CWH43: variants seen among roughly 807,000 people sequenced by gnomAD.
CWH43 encodes the protein PGAP2-interacting protein.
Under a neutral mutation model 85.7 loss-of-function variants are expected in CWH43, and 91 were observed. That is an observed-to-expected ratio of 1.06 (90% CI 0.90 to 1.26). CWH43 has a LOEUF of 1.26. Among genes scored for constraint, CWH43 ranks in the 50% most tolerant of loss-of-function variants. The pLI, the probability that CWH43 is intolerant of heterozygous loss-of-function variation, is 0.00. For missense variants in CWH43, 869 were observed against 839.2 expected, an observed-to-expected ratio of 1.04 and a Z score of -0.44; for synonymous variants, 323 against 293.6, an observed-to-expected ratio of 1.10 and a Z score of -1.02.
At position 49,017,345 on chromosome 4, in the gene CWH43, C is replaced by T. The variant is rs1407134578; in HGVS notation, c.1266+17C>T. 6.5e-7 allele frequency: 1 copy of T among 1,540,082 alleles called. No individual in the cohort carries two copies. Among genetic ancestry groups the T allele is most frequent in the African/African-American group, 1.4e-5 (1 of 72,990 alleles). ...GGCAAAGTGGTAAGTAATTAAAAAC[C>T]TTGAAATAGAATTTTATATGGTATA... On this transcript the variant is annotated intron_variant, in intron 9 of 15. Coordinates refer to ENST00000226432, the MANE Select transcript of CWH43 (RefSeq NM_025087.3).
intron 7 of CWH43, among the ~76,000 whole-genome samples, chr4:49,006,249 A>G (rs1177264358): frequency 6.6e-6 from 1 of 151,674 alleles, no homozygotes; most frequent in East Asian, 1.9e-4. Flanking sequence ...AATTTTATGA[A>G]CGATGAGTTT....
chr4:48,987,650 A>G (rs1296898147), intron 1 of CWH43, among the ~76,000 whole-genome samples: 1 of 152,332 alleles, frequency 6.6e-6, no homozygotes, highest in Middle Eastern at 3.4e-3. Context: ...CAGATGGTAC[A>G]TGTTAATACT....
At chr4:48,999,071 C>T (rs1341592171) in intron 6 of CWH43, among the ~76,000 whole-genome samples, 1 of 152,096 alleles carries the variant, frequency 6.6e-6, no homozygotes, top group Non-Finnish European at 1.5e-5. Context: ...TCCTGATCCT[C>T]TCTCTCCTCC....
At chr4:49,060,515 G>T (rs1357486772) in intron 15 of CWH43, among the ~76,000 whole-genome samples, 1 of 152,154 alleles carries the variant, frequency 6.6e-6, no homozygotes, top group South Asian at 2.1e-4. Flanking sequence ...CATTGGCCTG[G>T]ACCTGGTGCT....
intron 5 of CWH43, among the ~76,000 whole-genome samples, chr4:48,996,684 G>A (rs960773119): frequency 1.3e-5 from 2 of 152,168 alleles, no homozygotes; most frequent in Non-Finnish European, 2.9e-5. Flanking sequence ...ATGGTAAATG[G>A]TGAGTCCTGG....
chr4:49,007,373 C>A, intron 8 of CWH43, 47 bp downstream of exon 8: 1 of 1,465,244 alleles, frequency 6.8e-7, no homozygotes, highest in South Asian at 1.5e-5. Context: ...ATATAAAATT[C>A]TAAACGTATG....
In CWH43 at chr4:48,995,049, T is replaced by C. The variant is rs146932868; in HGVS notation, c.713+229T>C. Among the ~76,000 whole-genome samples the C allele has an allele frequency of 1.3e-3, 200 of 152,290 alleles. 1 individual carries two copies. The highest frequency in any genetic ancestry group is 4.8e-3 in the African/African-American group (198 of 41,570). ...AAAGTAGATGTGGGAGGCCCAATGGTTGTGCACAGCTAAGTAAGAGGTTCC... is the reference window on the plus strand; with the variant it reads ...AAAGTAGATGTGGGAGGCCCAATGGCTGTGCACAGCTAAGTAAGAGGTTCC... On this transcript the variant is annotated intron_variant, in intron 5 of 15. Transcript: ENST00000226432.
chr4:48,990,299 C>T (rs1782621392), intron 2 of CWH43, among the ~76,000 whole-genome samples: 1 of 152,154 alleles, frequency 6.6e-6, no homozygotes, highest in Admixed American at 6.5e-5. Context: ...GGGAACATTA[C>T]TCAGAGTTGA....
In CWH43 at chr4:49,032,664, A is replaced by G. The variant is rs200399183; in HGVS notation, c.1607A>G (p.Asn536Ser). The change falls in exon 12 of 16, where the codon AAC becomes AGC. Residue 536 changes from asparagine to serine, a missense_variant. Physicochemically the swap from Asn to Ser is conservative, Grantham distance 46 (BLOSUM62 1). Coordinates refer to ENST00000226432, the MANE Select transcript of CWH43 (RefSeq NM_025087.3). ...GCACCAGCCATCACATTGACCGTTA[A>G]CATTTCGGGCAAGCTGGTGGATTTT... ...EIAPAITLTV[N>S]ISGKLVDFVV... The G allele has an allele frequency of 3.7e-6, 6 of 1,614,092 alleles. No individual in the cohort carries two copies. In the East Asian group the frequency reaches 8.9e-5, roughly 24 times the overall value.
At chr4:48,999,588 C>T (rs1366269034) in intron 6 of CWH43, among the ~76,000 whole-genome samples, 2 of 152,186 alleles carry the variant, frequency 1.3e-5, no homozygotes, top group East Asian at 3.8e-4. Flanking sequence ...TAGGCTGTCC[C>T]TCACCTGATG....
chr4:49,044,668 G>A (rs1784566142), intron 13 of CWH43, 118 bp from the exon 14 acceptor site: 1 of 723,276 alleles, frequency 1.4e-6, no homozygotes, highest in Non-Finnish European at 2.3e-6. Context: ...TAGGAGCCAG[G>A]AAGAGAAAAC....
chr4:49,022,289 TG>T, intron 9 of CWH43, among the ~76,000 whole-genome samples: 1 of 152,234 alleles, frequency 6.6e-6, no homozygotes, highest in East Asian at 1.9e-4. Context: ...CTGCTTTTTC[TG>T]TGTCTATTGA....
chr4:49,013,539 C>G (rs1783436908), intron 8 of CWH43, among the ~76,000 whole-genome samples: 1 of 152,198 alleles, frequency 6.6e-6, no homozygotes, highest in Non-Finnish European at 1.5e-5. Context: ...CCAGGTACCT[C>G]AGTTGGAAAT....
intron 12 of CWH43, among the ~76,000 whole-genome samples, 156 bp from the exon 13 acceptor site, chr4:49,037,880 C>T (rs1784307313): frequency 6.6e-6 from 1 of 152,126 alleles, no homozygotes; most frequent in Admixed American, 6.5e-5. Context: ...GTATCTAGGT[C>T]TTGTTCATTT....
intron 14 of CWH43, among the ~76,000 whole-genome samples, chr4:49,049,843 C>T (rs1784741206): frequency 6.6e-6 from 1 of 152,172 alleles, no homozygotes; most frequent in Non-Finnish European, 1.5e-5. Flanking sequence ...TCATCACTGC[C>T]TGTCCTTCTT....
intron 5 of CWH43, among the ~76,000 whole-genome samples, 164 bp downstream of exon 5, chr4:48,994,984 C>T (rs1342616167): frequency 6.6e-6 from 1 of 152,200 alleles, no homozygotes; most frequent in African/African-American, 2.4e-5. Flanking sequence ...GAGAGAAGGG[C>T]ACTAGAAGGG....
intron 8 of CWH43, chr4:49,016,915 CA>C: frequency 1.3e-6 from 1 of 784,694 alleles, no homozygotes; most frequent in Non-Finnish European, 2.4e-6. Flanking sequence ...TTGATTATGC[CA>C]GGGCTGATCT....
intron 14 of CWH43, among the ~76,000 whole-genome samples, chr4:49,047,330 G>A (rs1784653978): frequency 6.6e-6 from 1 of 152,168 alleles, no homozygotes; most frequent in South Asian, 2.1e-4. Flanking sequence ...TAGGGATAAA[G>A]CTGTAAACAA....
At chr4:49,013,203 A>G (rs1783423365) in intron 8 of CWH43, among the ~76,000 whole-genome samples, 2 of 152,246 alleles carry the variant, frequency 1.3e-5, no homozygotes, top group South Asian at 4.1e-4. Flanking sequence ...GCAATGGCAG[A>G]TGCCCCTCCC....
Sources: allele counts gnomAD v4.1 joint callset (sites outside exome capture counted in the v4.1 genomes callset), GRCh38; gene constraint gnomAD v4.1.1; transcripts MANE v1.5; gene names NCBI Gene and HGNC (gene_info 2026-07-23, HGNC 2026-07-21).